COL4A2: variants seen among roughly 807,000 people sequenced by gnomAD.
COL4A2 encodes collagen type IV alpha 2 chain, also known as collagen alpha-2(IV) chain.
COL4A2 carries 99 observed loss-of-function variants against 200.2 expected under a neutral mutation model. The observed-to-expected ratio is 0.49, with a 90% CI of 0.42 to 0.58. COL4A2 has a LOEUF of 0.58. COL4A2 is among the 20% of genes least tolerant of loss of function. The probability of loss-of-function intolerance (pLI) is 0.00; values close to 1 mark genes in which losing one functional copy is unlikely to be tolerated. For synonymous variants in COL4A2, 897 were observed against 900.6 expected (o/e 1.00, Z 0.07); for missense variants, 1,950 against 2,314.1 (o/e 0.84, Z 3.23).
intron 4 of COL4A2, among the ~76,000 whole-genome samples, chr13:110,369,691 T>A (rs1252897424): frequency 2.0e-5 from 3 of 152,172 alleles, no homozygotes; most frequent in Non-Finnish European, 4.4e-5. Flanking sequence ...CCGACTTCTC[T>A]GCAGCAATCC....
intron 4 of COL4A2, among the ~76,000 whole-genome samples, chr13:110,423,073 G>C (rs1035898047): frequency 6.6e-6 from 1 of 152,098 alleles, no homozygotes; most frequent in Non-Finnish European, 1.5e-5. Flanking sequence ...ACAGGAATTT[G>C]ACATTTCACA....
At position 110,489,239 on chromosome 13, in the gene COL4A2, G is replaced by GAAAT. The variant is rs4000232; in HGVS notation, c.3208-190_3208-187dup. Among the ~76,000 whole-genome samples the GAAAT allele has an allele frequency of 3.5e-3, 526 of 152,138 alleles. 2 individuals carry two copies. Among genetic ancestry groups the GAAAT allele is most frequent in the African/African-American group, 0.012 (484 of 41,484 alleles). On this transcript the variant is annotated intron_variant, in intron 34 of 47. Coordinates refer to ENST00000360467, the MANE Select transcript of COL4A2 (RefSeq NM_001846.4). ...TGACAGACTGCGATCCTGTCTCAAA[G>GAAAT]AAATAAATAAATAAATAAACAAAAA...
At chr13:110,465,234 C>A (rs1389455233) in intron 24 of COL4A2, among the ~76,000 whole-genome samples, 171 bp from the exon 25 acceptor site, 1 of 152,246 alleles carries the variant, frequency 6.6e-6, no homozygotes, top group African/African-American at 2.4e-5. Context: ...CAGTCTGTCA[C>A]TGGCTCCTGT....
chr13:110,419,883 C>A (rs1001502203), intron 4 of COL4A2, among the ~76,000 whole-genome samples: 4 of 152,234 alleles, frequency 2.6e-5, no homozygotes, highest in Non-Finnish European at 5.9e-5. Context: ...TTATGTTCCT[C>A]TGCATGACCC....
intron 28 of COL4A2, 60 bp from the exon 29 acceptor site, chr13:110,472,869 T>C: frequency 6.7e-7 from 1 of 1,502,258 alleles, no homozygotes; most frequent in Non-Finnish European, 9.1e-7. Flanking sequence ...TTTTTGACTC[T>C]TCTCTTAGAA....
At chr13:110,415,034 C>T (rs981294340) in intron 4 of COL4A2, among the ~76,000 whole-genome samples, 7 of 152,214 alleles carry the variant, frequency 4.6e-5, no homozygotes, top group African/African-American at 1.7e-4. Flanking sequence ...CAAGACTCCA[C>T]ACTGCGTGGT....
At chr13:110,322,639 G>A (rs1048891338) in intron 3 of COL4A2, among the ~76,000 whole-genome samples, 1 of 152,212 alleles carries the variant, frequency 6.6e-6, no homozygotes, top group African/African-American at 2.4e-5. Context: ...ACGGTCACCA[G>A]CCTCCCCTCT....
chr13:110,477,282 A>T (rs923200287), intron 29 of COL4A2, among the ~76,000 whole-genome samples: 1 of 152,250 alleles, frequency 6.6e-6, no homozygotes, highest in East Asian at 1.9e-4. Flanking sequence ...ATAATGAAGA[A>T]CAAGCAAGCG....
intron 40 of COL4A2, among the ~76,000 whole-genome samples, chr13:110,501,449 G>A (rs926703432): frequency 6.6e-6 from 1 of 152,154 alleles, no homozygotes. Flanking sequence ...GAGAAAGGCT[G>A]GGGTGGGGGA....
Position 110,479,888 on chromosome 13 carries a change from A to G in COL4A2, c.2588-332A>G, listed in dbSNP as rs116721160. On this transcript the variant is annotated intron_variant, in intron 30 of 47. Transcript: ENST00000360467. ...AACAGGCCAGCTCTTGACTAACCCCAGTGACCATGCCCCAGCCAGAGCTGG... is the reference window on the plus strand; with the variant it reads ...AACAGGCCAGCTCTTGACTAACCCCGGTGACCATGCCCCAGCCAGAGCTGG... 8.8e-3 allele frequency among the ~76,000 whole-genome samples: 1,336 copies of G among 152,298 alleles called. 16 individuals are homozygous for G. The highest frequency in any genetic ancestry group is 0.03 in the African/African-American group (1,245 of 41,568).
At chr13:110,480,448 C>G (rs1306090516) in intron 31 of COL4A2, 58 bp downstream of exon 31, 3 of 1,528,504 alleles carry the variant, frequency 2.0e-6, no homozygotes, top group African/African-American at 1.4e-5. Flanking sequence ...CTAATCAACT[C>G]TGACCTGAGA....
intron 32 of COL4A2, among the ~76,000 whole-genome samples, chr13:110,484,662 C>A (rs141665465): frequency 6.6e-6 from 1 of 152,268 alleles, no homozygotes; most frequent in Non-Finnish European, 1.5e-5. Context: ...GCAGGCACGT[C>A]CCCCTACTGT....
At chr13:110,398,496 T>C (rs1382285831) in intron 4 of COL4A2, among the ~76,000 whole-genome samples, 1 of 152,194 alleles carries the variant, frequency 6.6e-6, no homozygotes, top group Non-Finnish European at 1.5e-5. Flanking sequence ...CCGACTCTAC[T>C]AAAAACACAA....
At chr13:110,388,503 T>C (rs1319086724) in intron 4 of COL4A2, among the ~76,000 whole-genome samples, 1 of 152,244 alleles carries the variant, frequency 6.6e-6, no homozygotes, top group Non-Finnish European at 1.5e-5. Flanking sequence ...GCCCCATTTT[T>C]AGACCACAGA....
chr13:110,436,186 A>G (rs1880862944), intron 12 of COL4A2, 83 bp from the exon 13 acceptor site: 4 of 1,599,306 alleles, frequency 2.5e-6, no homozygotes, highest in Non-Finnish European at 3.4e-6. Context: ...AAACTGCAGT[A>G]TTTTGGCCAG....
chr13:110,489,394 T>G (rs753655638), intron 34 of COL4A2, 51 bp from the exon 35 acceptor site: 31 of 1,561,706 alleles, frequency 2.0e-5, no homozygotes, highest in Non-Finnish European at 2.6e-5. Flanking sequence ...ACTTCAGAGT[T>G]ACAACTGACT....
chr13:110,509,268 T>TACACACAC (rs1474219877), intron 47 of COL4A2, among the ~76,000 whole-genome samples: 16 of 120,582 alleles, frequency 1.3e-4, no homozygotes, highest in African/African-American at 4.6e-4. Context: ...TATATATATA[T>TACACACAC]ATACACACAC....
At chr13:110,449,536 T>C (rs909059942) in intron 18 of COL4A2, 143 bp from the exon 19 acceptor site, 3 of 694,884 alleles carry the variant, frequency 4.3e-6, no homozygotes, top group Non-Finnish European at 6.8e-6. Flanking sequence ...GACCACCCCA[T>C]GTATTAATCA....
chr13:110,489,469 G>A lies in COL4A2; in HGVS notation c.3232G>A (p.Ala1078Thr). The A allele has an allele frequency of 6.2e-7, 1 of 1,614,202 alleles. No individual in the cohort carries two copies. The highest frequency in any genetic ancestry group is 8.5e-7 in the Non-Finnish European group (1 of 1,180,030). ...SRGDKGAPGRAGLYGEIGATG... is the reference protein window; with the variant it reads ...SRGDKGAPGRTGLYGEIGATG... ...GGGTGACAAAGGTGCCCCAGGGAGA[G>A]CAGGCCTGTATGGCGAGATTGGCGC... Residue 1078 changes from alanine (A) to threonine (T), a missense_variant, in exon 35 of 48, where the codon GCA (alanine) becomes ACA (threonine). Ala to Thr is a moderately conservative substitution (Grantham distance 58). Transcript: ENST00000360467.
Sources: allele counts gnomAD v4.1 joint callset (sites outside exome capture counted in the v4.1 genomes callset), GRCh38; gene constraint gnomAD v4.1.1; transcripts MANE v1.5; gene names NCBI Gene and HGNC (gene_info 2026-07-23, HGNC 2026-07-21).